The following IDH3B variants were observed in gnomAD, a reference collection of about 807,000 sequenced individuals.
IDH3B encodes isocitrate dehydrogenase (NAD(+)) 3 non-catalytic subunit beta, also known as isocitrate dehydrogenase [NAD] subunit beta, mitochondrial.
IDH3B carries 40 observed loss-of-function variants against 47.5 expected under a neutral mutation model. That is an observed-to-expected ratio of 0.84 (90% CI 0.65 to 1.10). The LOEUF is 1.10. Ranked by LOEUF, IDH3B falls within the 50% of genes least tolerant of loss-of-function variation. The probability of loss-of-function intolerance (pLI) is 0.00; values close to 1 mark genes in which losing one functional copy is unlikely to be tolerated. For missense variants in IDH3B, 450 were observed against 505.2 expected, an observed-to-expected ratio of 0.89 and a Z score of 1.05; for synonymous variants, 185 against 191.0, an observed-to-expected ratio of 0.97 and a Z score of 0.26.
Position 2,660,674 on chromosome 20 carries a change from T to TC in IDH3B, c.531+22dup, listed in dbSNP as rs2086929501. ...CTCTCTCCCATCTTCATCCTTGCCC[T>TC]CCCCCAGTTTCTGGGGCCTCACCTC... On this transcript the variant is annotated intron_variant, in intron 6 of 11. Transcript: ENST00000380843. The surrounding 1 kb of genome is among the most constrained non-coding windows in gnomAD (Gnocchi z 5.6). 6.2e-7 allele frequency: 1 copy of TC among 1,613,996 alleles called. No homozygotes were observed. The highest frequency in any genetic ancestry group is 1.7e-5 in the Admixed American group (1 of 60,004).
At chr20:2,661,933 G>A (rs115083082) in intron 4 of IDH3B, among the ~76,000 whole-genome samples, 377 of 152,244 alleles carry the variant, frequency 2.5e-3, no homozygotes, top group African/African-American at 8.5e-3. Flanking sequence ...AGAAAAAATC[G>A]TCCCATCCAG....
chr20:2,660,691 C>A lies in IDH3B; in HGVS notation c.531+6G>T, dbSNP rs1316994270. The A allele has an allele frequency of 6.2e-7, 1 of 1,614,218 alleles. No individual in the cohort carries two copies. Reference sequence around the variant, plus strand: ...CCTTGCCCTCCCCCAGTTTCTGGGGCCTCACCTCATGTTCCAGAGAGCTGT... The same window carrying A: ...CCTTGCCCTCCCCCAGTTTCTGGGGACTCACCTCATGTTCCAGAGAGCTGT... On this transcript the variant is annotated splice_donor_region_variant and intron_variant, in intron 6 of 11. Coordinates refer to ENST00000380843, the MANE Select transcript of IDH3B (RefSeq NM_006899.5). This position sits in a 1 kb window ranked among gnomAD's most constrained non-coding sequence, Gnocchi z 5.6.
chr20:2,658,611 C>G lies in IDH3B; in HGVS notation c.*140G>C. On this transcript the variant is annotated 3_prime_UTR_variant, in exon 12 of 12. Coordinates refer to ENST00000380843, the MANE Select transcript of IDH3B (RefSeq NM_006899.5). ...CCCAACAGTCTGTCCCCTAAGGAAG[C>G]CGGCCCAAGGACAACCTAGGCTCTA... is the stretch of plus-strand genomic sequence containing the variant. 1 of 1,612,786 alleles carries G rather than the reference C, an allele frequency of 6.2e-7. No individual in the cohort carries two copies. The highest frequency in any genetic ancestry group is 1.1e-5 in the South Asian group (1 of 90,874).
intron 11 of IDH3B, 139 bp from the exon 12 acceptor site, chr20:2,658,976 G>A (rs2086879499): frequency 6.8e-7 from 1 of 1,476,524 alleles, no homozygotes; most frequent in Non-Finnish European, 8.9e-7. Context: ...ATGGAAGGAG[G>A]AGCCAGGATG....
In IDH3B at chr20:2,658,801, T is replaced by A; in HGVS notation, c.1108A>T (p.Thr370Ser). ...TRDMGGYSTT[T>S]DFIKSVIGHL... The stretch of plus-strand genomic sequence containing the variant: ...CCGATGACAGACTTGATGAAGTCGG[T>A]TGTGGTGCTGTAGCCGCCCATGTCT... The change falls in exon 12 of 12, where the codon ACC becomes TCC. Residue 370 changes from threonine (T) to serine (S), a missense_variant. Transcript: ENST00000380843. 2 of 1,614,216 alleles carry A rather than the reference T, an allele frequency of 1.2e-6. No homozygotes were observed. Among genetic ancestry groups the A allele is most frequent in the Non-Finnish European group, 1.7e-6 (2 of 1,180,046 alleles).
At position 2,663,754 on chromosome 20, in the gene IDH3B, T is replaced by C; in HGVS notation, c.122A>G (p.Glu41Gly). ...AAHAASRSQA[E>G]DVRVEGSFPV... is the part of the protein sequence containing the mutation. ...AAAGGAGCCCTCCACCCTCACGTCC[T>C]CGGCCTCAATTGGGGGAAGAGGGGA... Residue 41 changes from glutamate (E) to glycine (G), a missense_variant, in exon 3 of 12, where the codon GAG (glutamate) becomes GGG (glycine). Transcript: ENST00000380843. 6.2e-7 allele frequency: 1 copy of C among 1,613,924 alleles called. No homozygotes were observed. The highest frequency in any genetic ancestry group is 8.5e-7 in the Non-Finnish European group (1 of 1,179,952).
rs1013250648 is a variant in IDH3B at position 2,663,538 on chromosome 20, T to C, written c.245A>G (p.Glu82Gly). The part of the protein sequence containing the change: ...KAAAVPVEFQ[E>G]HHLSEVQNMA... Reference sequence around the variant, plus strand: ...ATTCTGCACCTCACTCAGGTGGTGCTCCTGGAACTCCACTGGGACAGCGGC... The same window carrying C: ...ATTCTGCACCTCACTCAGGTGGTGCCCCTGGAACTCCACTGGGACAGCGGC... The change falls in exon 4 of 12, where the codon GAG becomes GGG. Residue 82 changes from glutamate to glycine, a missense_variant. Physicochemically the swap from Glu to Gly is moderately conservative, Grantham distance 98 (BLOSUM62 -2). Transcript: ENST00000380843. 1.9e-6 allele frequency: 3 copies of C among 1,614,178 alleles called. No homozygotes were observed. Among genetic ancestry groups the C allele is most frequent in the Non-Finnish European group, 2.5e-6 (3 of 1,180,032 alleles).
Position 2,659,720 on chromosome 20 carries a change from G to A in IDH3B, c.989C>T (p.Ser330Phe), listed in dbSNP as rs1442657140. 1 of 1,614,194 alleles carries A rather than the reference G, an allele frequency of 6.2e-7. No individual in the cohort carries two copies. The highest frequency in any genetic ancestry group is 8.5e-7 in the Non-Finnish European group (1 of 1,180,016). The change falls in exon 10 of 12, where the codon TCC (serine) becomes TTC (phenylalanine). Residue 330 changes from serine (S) to phenylalanine (F), a missense_variant. Transcript: ENST00000380843. ...ANPTAMLLSA[S>F]NMLRHLNLEY... ...CTACTTAAGATGCCGCAGCATGTTG[G>A]AAGCCGACAGCAGCATGGCCGTGGG...
Position 2,659,687 on chromosome 20 carries a change from C to T in IDH3B, c.1010+12G>A, listed in dbSNP as rs1244777768. 5 of 1,613,284 alleles carry T rather than the reference C, an allele frequency of 3.1e-6. No individual in the cohort carries two copies. Among genetic ancestry groups the T allele is most frequent in the Non-Finnish European group, 3.4e-6 (4 of 1,179,306 alleles). ...GACACCCAACCTCTGCCGACAGCCT[C>T]CCATGACCTACTTAAGATGCCGCAG... On this transcript the variant is annotated intron_variant, in intron 10 of 11. Transcript: ENST00000380843.
chr20:2,658,964 G>A (rs1037290355), intron 11 of IDH3B, 127 bp from the exon 12 acceptor site: 47 of 1,431,930 alleles, frequency 3.3e-5, no homozygotes, highest in Non-Finnish European at 4.1e-5. Context: ...CAATGCACAG[G>A]AATGGAAGGA....
At position 2,660,035 on chromosome 20, in the gene IDH3B, C is replaced by G; in HGVS notation, c.910G>C (p.Glu304Gln). Reference protein sequence around the residue: ...ESYSAEYAVFETGARHPFAQA... With the variant: ...ESYSAEYAVFQTGARHPFAQA... ...GAGGGAGAAAGCAGCCTCACCGTCTCAAAGACTGCGTATTCTGCACTATAG... is the reference window on the plus strand; with the variant it reads ...GAGGGAGAAAGCAGCCTCACCGTCTGAAAGACTGCGTATTCTGCACTATAG... The change falls in exon 9 of 12, where the codon GAG becomes CAG. Residue 304 changes from glutamate to glutamine, a missense_variant. Physicochemically the swap from Glu to Gln is conservative, Grantham distance 29. Transcript: ENST00000380843. The surrounding 1 kb of genome is among the most constrained non-coding windows in gnomAD (Gnocchi z 5.6). 6.2e-7 allele frequency: 1 copy of G among 1,614,100 alleles called. No homozygotes were observed. Among genetic ancestry groups the G allele is most frequent in the Non-Finnish European group, 8.5e-7 (1 of 1,179,998 alleles).
At chr20:2,663,010 G>A (rs1348216944) in intron 4 of IDH3B, among the ~76,000 whole-genome samples, 1 of 150,724 alleles carries the variant, frequency 6.6e-6, no homozygotes, top group East Asian at 2.0e-4. Context: ...ACCTGTAGTC[G>A]CAGCTACTCA....
rs199867795 is a variant in IDH3B at position 2,659,671 on chromosome 20, C to T, written c.1010+28G>A. The T allele has an allele frequency of 1.2e-5, 19 of 1,611,386 alleles. No homozygotes were observed. In the East Asian group the frequency reaches 2.2e-4, roughly 19 times the overall value. On this transcript the variant is annotated intron_variant, in intron 10 of 11. Transcript: ENST00000380843. The stretch of plus-strand genomic sequence containing the variant: ...ACCTGCTCCTCCTCACGACACCCAA[C>T]CTCTGCCGACAGCCTCCCATGACCT...
At position 2,662,200 on chromosome 20, in the gene IDH3B, T is replaced by C. The variant is rs541346176; in HGVS notation, c.338-1231A>G. Among the ~76,000 whole-genome samples, 6 of 152,240 alleles carry C rather than the reference T, an allele frequency of 3.9e-5. No individual in the cohort carries two copies. The South Asian group carries it at 8.3e-4, about 21-fold the overall frequency. ...TCATGGTAGTGTGTTACGGCAGCTA[T>C]GGGAAACTAATACAGTGAATGAGTG... On this transcript the variant is annotated intron_variant, in intron 4 of 11. Transcript: ENST00000380843.
rs368691057 is a variant in IDH3B at position 2,660,153 on chromosome 20, A to C, written c.792T>G (p.Phe264Leu). The C allele has an allele frequency of 1.2e-6, 2 of 1,614,044 alleles. No individual in the cohort carries two copies. The highest frequency in any genetic ancestry group is 1.7e-6 in the Non-Finnish European group (2 of 1,180,028). Residue 264 changes from phenylalanine (F) to leucine (L), a missense_variant, in exon 9 of 12, where the codon TTT becomes TTG. Physicochemically the swap from Phe to Leu is conservative, Grantham distance 22 (BLOSUM62 0). Transcript: ENST00000380843. The surrounding 1 kb of genome is among the most constrained non-coding windows in gnomAD (Gnocchi z 5.6). ...CMQLVQNPYQ[F>L]DVLVMPNLYG... The stretch of plus-strand genomic sequence containing the variant: ...AGAGATTGGGCATCACAAGCACATC[A>C]AACTGGTAAGGATTCTGCACCAGCT...
intron 11 of IDH3B, chr20:2,659,126 G>C: frequency 1.7e-6 from 2 of 1,199,370 alleles, no homozygotes; most frequent in South Asian, 2.0e-5. Flanking sequence ...GGAAGAAATA[G>C]AGACAAGACC....
Position 2,660,425 on chromosome 20 carries a change from G to A in IDH3B, c.665+32C>T. On this transcript the variant is annotated intron_variant, in intron 7 of 11. Transcript: ENST00000380843. The surrounding 1 kb of genome is among the most constrained non-coding windows in gnomAD (Gnocchi z 5.6). ...GAAAGTACAGGGGCTACCTTCCCAG[G>A]AACCCATCCTACACAAAGCCATGCC... The A allele has an allele frequency of 6.2e-7, 1 of 1,613,948 alleles. No individual in the cohort carries two copies. The highest frequency in any genetic ancestry group is 1.1e-5 in the South Asian group (1 of 91,058).
chr20:2,658,864 GGGGA>G, intron 11 of IDH3B, 27 bp from the exon 12 acceptor site: 1 of 1,613,886 alleles, frequency 6.2e-7, no homozygotes, highest in Non-Finnish European at 8.5e-7. Context: ...CAACAGCCGT[GGGGA>G]GGGAGAAAAG....
At position 2,663,938 on chromosome 20, in the gene IDH3B, G is replaced by A. The variant is rs534809713; in HGVS notation, c.104C>T (p.Ala35Val). ...GLSTSAAAHA[A>V]SRSQAEDVRV... ...ATTCGTGCATACCTGGCTCCGCGATGCAGCGTGCGCCGCGGCCGAGGTACT... is the reference window on the plus strand; with the variant it reads ...ATTCGTGCATACCTGGCTCCGCGATACAGCGTGCGCCGCGGCCGAGGTACT... Residue 35 changes from alanine (A) to valine (V), a missense_variant, in exon 2 of 12, where the codon GCA (alanine) becomes GTA (valine). Transcript: ENST00000380843. 6.2e-7 allele frequency: 1 copy of A among 1,614,132 alleles called. No homozygotes were observed. The highest frequency in any genetic ancestry group is 1.3e-5 in the African/African-American group (1 of 75,056).
Sources: gnomAD v4.1 joint callset for allele counts (sites outside exome capture counted in the v4.1 genomes callset) on GRCh38, gnomAD v4.1.1 for gene constraint, Gnocchi (gnomAD v3.1) non-coding constraint, MANE v1.5 for transcripts, NCBI Gene and HGNC (gene_info 2026-07-23, HGNC 2026-07-21) for gene names.